The following AP3B2 variants were observed in gnomAD, a reference collection of about 807,000 sequenced individuals.
The protein encoded by AP3B2 is AP-3 complex subunit beta-2.
AP3B2 carries 50 observed loss-of-function variants against 126.9 expected under a neutral mutation model. The observed-to-expected ratio is 0.39, with a 90% confidence interval of 0.31 to 0.50. AP3B2 has a LOEUF of 0.50. AP3B2 is among the 20% of genes least tolerant of loss of function. AP3B2 has a pLI of 0.79. For synonymous variants in AP3B2, 541 were observed against 565.0 expected, an observed-to-expected ratio of 0.96 and a Z score of 0.60; for missense variants, 1,177 against 1,426.4, an observed-to-expected ratio of 0.83 and a Z score of 2.82.
At position 82,676,716 on chromosome 15, in the gene AP3B2, G is replaced by A; in HGVS notation, c.1489-79C>T. The A allele has an allele frequency of 2.8e-6, 4 of 1,438,812 alleles. No homozygotes were observed. The Admixed American group carries it at 5.6e-5, about 20-fold the overall frequency. The allele number at this position is 1,438,812 out of a possible 1,614,324, so 89.1% of individuals were successfully genotyped here. On this transcript the variant is annotated intron_variant, in intron 13 of 26. Transcript: ENST00000535359. ...AGGATTGTGGACTTCCAGGGAAACA[G>A]CACTCCTCATCTGTGCTGGCCTGTT...
At chr15:82,666,145 C>G (rs1393192911) in intron 15 of AP3B2, among the ~76,000 whole-genome samples, 1 of 152,240 alleles carries the variant, frequency 6.6e-6, no homozygotes, top group Non-Finnish European at 1.5e-5. Flanking sequence ...GAAGGAGGCT[C>G]TCTTCTGTGT....
At chr15:82,675,858 A>G (rs2048233618) in intron 14 of AP3B2, among the ~76,000 whole-genome samples, 1 of 152,186 alleles carries the variant, frequency 6.6e-6, no homozygotes, top group African/African-American at 2.4e-5. Flanking sequence ...AGCTCAGCAC[A>G]TTATGCTTCA....
rs1485545531 is a variant in AP3B2, at chr15:82,662,933, G to A, written c.2605-11C>T. The A allele has an allele frequency of 1.2e-6, 2 of 1,608,844 alleles. No homozygotes were observed. Among genetic ancestry groups the A allele is most frequent in the Non-Finnish European group, 8.5e-7 (1 of 1,178,410 alleles). On this transcript the variant is annotated splice_polypyrimidine_tract_variant and intron_variant, in intron 22 of 26. Coordinates refer to ENST00000535359, the MANE Select transcript of AP3B2 (RefSeq NM_001278512.2). ...TACTGGACTCAGAAGCTAGAGTGGAGGGGTAGGGAAGGACAGAACTGAGCA... is the reference window on the plus strand; with the variant it reads ...TACTGGACTCAGAAGCTAGAGTGGAAGGGTAGGGAAGGACAGAACTGAGCA...
rs1567255891 is a variant in AP3B2 at position 82,663,820 on chromosome 15, G to C, written c.2417C>G (p.Ala806Gly). The change falls in exon 20 of 27, where the codon GCC becomes GGC. Residue 806 changes from alanine to glycine, a missense_variant. Around this residue, in one of 5 missense-constraint regions of AP3B2, gnomAD observed 587 missense variants for 571.3 expected, o/e 1.03. Transcript: ENST00000535359. Reference protein sequence around the residue: ...SESEEEQLEPASWSRKTPPSS... With the variant: ...SESEEEQLEPGSWSRKTPPSS... The stretch of plus-strand genomic sequence containing the variant: ...TCTCACTGTTTTCCTGCTCCAGGAG[G>C]CAGGTTCTAACTGCTCCTCCTCGGA... 7 of 1,613,244 alleles carry C rather than the reference G, an allele frequency of 4.3e-6. No individual in the cohort carries two copies. Among genetic ancestry groups the C allele is most frequent in the Admixed American group, 1.7e-5 (1 of 59,942 alleles).
intron 4 of AP3B2, chr15:82,688,453 G>T: frequency 1.4e-6 from 1 of 692,048 alleles, no homozygotes; most frequent in South Asian, 1.5e-5. Context: ...TCCACTCTCC[G>T]GGGGCTCAAG....
intron 26 of AP3B2, 42 bp downstream of exon 26, chr15:82,659,803 G>C (rs1336616109): frequency 1.1e-5 from 18 of 1,609,940 alleles, no homozygotes; most frequent in Non-Finnish European, 1.4e-5. Flanking sequence ...TCAAACCAGG[G>C]CCCCCATGCT....
At chr15:82,692,645 T>A (rs2048560495) in intron 1 of AP3B2, 1 of 158,372 alleles carries the variant, frequency 6.3e-6, no homozygotes, top group South Asian at 1.9e-4. Context: ...TTGCCCTGCC[T>A]CCAGTATGTT....
chr15:82,705,622 G>T (rs1275156632), intron 1 of AP3B2, among the ~76,000 whole-genome samples: 2 of 152,126 alleles, frequency 1.3e-5, no homozygotes, highest in African/African-American at 4.8e-5. Flanking sequence ...CTGCCGCAAG[G>T]CTTCACGGAC....
chr15:82,664,431 AC>A lies in AP3B2; in HGVS notation c.2196del (p.Glu732AspfsTer63). 1 of 1,612,308 alleles carries A rather than the reference AC, an allele frequency of 6.2e-7. No homozygotes were observed. Among genetic ancestry groups the A allele is most frequent in the Non-Finnish European group, 8.5e-7 (1 of 1,179,498 alleles). ...TCTTCATTGTCGGACTCACTGCTGG[AC>A]TCCCCAGAGCCGCTCTCACTGCTGC... Reference protein sequence around the residue: ...SKSSSESGSGESSSESDNEDQ... With the variant: ...SKSSSESGSGXSSSESDNEDQ... On this transcript the variant is annotated frameshift_variant, in exon 19 of 27. Transcript: ENST00000535359. LOFTEE classifies it high-confidence loss of function. The surrounding 1 kb of genome is among the most constrained non-coding windows in gnomAD (Gnocchi z 4.5).
intron 3 of AP3B2, 114 bp from the exon 4 acceptor site, chr15:82,688,945 C>G: frequency 3.6e-6 from 4 of 1,112,566 alleles, no homozygotes; most frequent in Non-Finnish European, 5.2e-6. Context: ...GACAAACTCT[C>G]CCAGTGGGGG....
chr15:82,662,536 C>T, intron 23 of AP3B2, 158 bp downstream of exon 23: 1 of 770,316 alleles, frequency 1.3e-6, no homozygotes, highest in Non-Finnish European at 2.1e-6. Flanking sequence ...CTTATTTCAT[C>T]ATCTGTCTTG....
chr15:82,699,019 T>A (rs2048674543), intron 1 of AP3B2, among the ~76,000 whole-genome samples: 1 of 152,052 alleles, frequency 6.6e-6, no homozygotes, highest in South Asian at 2.1e-4. Context: ...CAACTTCTGT[T>A]CCCAAGAGGC....
intron 14 of AP3B2, among the ~76,000 whole-genome samples, chr15:82,668,493 C>A (rs1252847126): frequency 1.3e-5 from 2 of 152,180 alleles, no homozygotes; most frequent in African/African-American, 4.8e-5. Flanking sequence ...TGTCTTCCTC[C>A]ACAGATTTCC....
chr15:82,665,467 C>T lies in AP3B2; in HGVS notation c.1961G>A (p.Arg654His), dbSNP rs773489972. Residue 654 changes from arginine (R) to histidine (H), a missense_variant, in exon 16 of 27, where the codon CGC becomes CAC. Arg to His is a conservative substitution (Grantham distance 29). Transcript: ENST00000535359. This position sits in a 1 kb window ranked among gnomAD's most constrained non-coding sequence, Gnocchi z 4.4. ...CTCCACCCCGCTGACCTCCACGTTG[C>T]GCACAGATGGGTCTGGGGCTTCCTC... ...WPEEAPDPSV[R>H]NVEEEDLSLI... 9 of 1,613,006 alleles carry T rather than the reference C, an allele frequency of 5.6e-6. No individual in the cohort carries two copies. Among genetic ancestry groups the T allele is most frequent in the African/African-American group, 1.3e-5 (1 of 74,792 alleles).
In AP3B2 at chr15:82,665,376, A is replaced by ACAC; in HGVS notation, c.1972-74_1972-73insGTG. ...GGGCTCCCTACTGTCTGCCCCCACCAACACACACACACACACACACACACA... is the reference window on the plus strand; with the variant it reads ...GGGCTCCCTACTGTCTGCCCCCACCACACACACACACACACACACACACACACA... On this transcript the variant is annotated intron_variant, in intron 16 of 26. Transcript: ENST00000535359. This position sits in a 1 kb window ranked among gnomAD's most constrained non-coding sequence, Gnocchi z 4.4. The ACAC allele has an allele frequency of 1.6e-6, 2 of 1,253,592 alleles. No homozygotes were observed. Among genetic ancestry groups the ACAC allele is most frequent in the South Asian group, 1.3e-5 (1 of 76,814 alleles). The allele number at this position is 1,253,592 out of a possible 1,614,324, so 77.7% of individuals were successfully genotyped here.
rs572924569 is a variant in AP3B2 at position 82,689,089 on chromosome 15, C to G, written c.264+69G>C. On this transcript the variant is annotated intron_variant, in intron 3 of 26. Coordinates refer to ENST00000535359, the MANE Select transcript of AP3B2 (RefSeq NM_001278512.2). ...CCCCAGGGGCTAAATCATTTCCTTC[C>G]TCACCCCAAGCTTGAGTGTGGTCCT... 2.7e-5 allele frequency: 43 copies of G among 1,566,974 alleles called. 2 individuals are homozygous for G. In the South Asian group the frequency reaches 4.4e-4, roughly 16 times the overall value.
intron 14 of AP3B2, among the ~76,000 whole-genome samples, chr15:82,667,969 C>T (rs1477253559): frequency 2.0e-5 from 3 of 152,088 alleles, no homozygotes; most frequent in African/African-American, 4.8e-5. Flanking sequence ...GCAGAATGCC[C>T]AAGGGCATCA....
intron 1 of AP3B2, among the ~76,000 whole-genome samples, chr15:82,693,544 G>T (rs572470282): frequency 6.6e-6 from 1 of 152,042 alleles, no homozygotes; most frequent in East Asian, 1.9e-4. Context: ...ACCACACCTG[G>T]CCAGCAGCAA....
intron 1 of AP3B2, among the ~76,000 whole-genome samples, chr15:82,693,316 G>C (rs950385435): frequency 2.0e-5 from 3 of 150,744 alleles, no homozygotes; most frequent in Non-Finnish European, 4.4e-5. Flanking sequence ...GCACGATCTC[G>C]GGTCACTGAA....
Sources: gnomAD v4.1 joint callset for allele counts (sites outside exome capture counted in the v4.1 genomes callset) on GRCh38, gnomAD v4.1.1 for gene constraint, gnomAD v4.1.1 regional missense constraint, Gnocchi (gnomAD v3.1) non-coding constraint, MANE v1.5 for transcripts, NCBI Gene and HGNC (gene_info 2026-07-23, HGNC 2026-07-21) for gene names.